IGF1: variants seen among roughly 807,000 people sequenced by gnomAD.
The protein encoded by IGF1 is insulin like growth factor 1, also known as insulin-like growth factor 1.
Under a neutral mutation model 13.8 loss-of-function variants are expected in IGF1, and 4 were observed. The ratio of observed to expected loss-of-function variants is 0.29; its 90% CI spans 0.14 to 0.66. IGF1 has a LOEUF of 0.66. Ranked by LOEUF, IGF1 falls within the 30% of genes least tolerant of loss-of-function variation. The probability of loss-of-function intolerance (pLI) is 0.78; values close to 1 mark genes in which losing one functional copy is unlikely to be tolerated. For missense variants in IGF1, 124 were observed against 188.5 expected (o/e 0.66, Z 2.00); for synonymous variants, 76 against 72.6 (o/e 1.05, Z -0.23).
At chr12:102,459,396 G>A (rs745967607) in intron 2 of IGF1, among the ~76,000 whole-genome samples, 8 of 152,128 alleles carry the variant, frequency 5.3e-5, no homozygotes, top group Non-Finnish European at 8.8e-5. Flanking sequence ...CTTGCACATA[G>A]CACGATCATG....
chr12:102,452,993 T>C (rs776466166), intron 2 of IGF1, among the ~76,000 whole-genome samples: 13 of 152,150 alleles, frequency 8.5e-5, no homozygotes, highest in Non-Finnish European at 1.6e-4. Context: ...TTAATTAAAT[T>C]GGGTGTTTTT....
At chr12:102,416,859 CAG>C (rs1466323699) in intron 3 of IGF1, among the ~76,000 whole-genome samples, 2 of 152,140 alleles carry the variant, frequency 1.3e-5, no homozygotes, top group Admixed American at 6.5e-5. Context: ...TATTTGGAGA[CAG>C]AGTCTTTACA....
intron 3 of IGF1, among the ~76,000 whole-genome samples, chr12:102,405,795 C>G (rs1240571999): frequency 6.6e-6 from 1 of 152,186 alleles, no homozygotes; most frequent in Non-Finnish European, 1.5e-5. Context: ...AAATTAATCC[C>G]AAATTTCTAC....
intron 3 of IGF1, among the ~76,000 whole-genome samples, chr12:102,406,415 G>C (rs1169394433): frequency 2.0e-5 from 3 of 152,144 alleles, no homozygotes; most frequent in African/African-American, 7.2e-5. Flanking sequence ...TTTCACTTCA[G>C]CAGCTTGTCC....
chr12:102,440,951 TC>T (rs1334182432), intron 2 of IGF1, among the ~76,000 whole-genome samples: 1 of 152,230 alleles, frequency 6.6e-6, no homozygotes, highest in African/African-American at 2.4e-5. Flanking sequence ...TGGTGCTCAG[TC>T]CTTTTGAGAC....
intron 3 of IGF1, among the ~76,000 whole-genome samples, chr12:102,409,150 A>G (rs1874419426): frequency 6.6e-6 from 1 of 152,196 alleles, no homozygotes; most frequent in Admixed American, 6.5e-5. Flanking sequence ...TGGATGTAAT[A>G]ACCCTCAGTC....
At chr12:102,470,367 T>A (rs1880608537) in intron 2 of IGF1, among the ~76,000 whole-genome samples, 1 of 152,204 alleles carries the variant, frequency 6.6e-6, no homozygotes, top group South Asian at 2.1e-4. Flanking sequence ...AGGGAGATGG[T>A]CTTGAAGGGC....
chr12:102,479,534 C>T (rs899989224), intron 1 of IGF1, among the ~76,000 whole-genome samples: 11 of 152,260 alleles, frequency 7.2e-5, no homozygotes, highest in African/African-American at 2.6e-4. Context: ...AGGGACTTCA[C>T]GACACTGAAT....
intron 2 of IGF1, among the ~76,000 whole-genome samples, chr12:102,433,776 G>T (rs1010856050): frequency 3.9e-5 from 6 of 152,126 alleles, no homozygotes; most frequent in Non-Finnish European, 7.4e-5. Flanking sequence ...GAAGAAATTT[G>T]TACTTTGGAA....
intron 2 of IGF1, among the ~76,000 whole-genome samples, chr12:102,453,976 A>G (rs1173004535): frequency 6.6e-6 from 1 of 152,204 alleles, no homozygotes; most frequent in African/African-American, 2.4e-5. Context: ...AGTGTCATGC[A>G]TATAAGAGCT....
At chr12:102,407,328 C>A (rs1874264120) in intron 3 of IGF1, among the ~76,000 whole-genome samples, 1 of 152,110 alleles carries the variant, frequency 6.6e-6, no homozygotes, top group South Asian at 2.1e-4. Flanking sequence ...CACAGAGGAA[C>A]AAACTGATAG....
At chr12:102,432,954 G>A (rs1036709104) in intron 2 of IGF1, among the ~76,000 whole-genome samples, 5 of 152,100 alleles carry the variant, frequency 3.3e-5, no homozygotes, top group Non-Finnish European at 7.4e-5. Flanking sequence ...TCTTCTCTGG[G>A]GTAGGGAGAG....
chr12:102,478,344 A>T (rs1010325863), intron 1 of IGF1: 37 of 508,786 alleles, frequency 7.3e-5, no homozygotes, highest in Admixed American at 4.7e-4. Flanking sequence ...ACACTTTCTC[A>T]AAAATCATTC....
At chr12:102,433,336 A>C (rs745454680) in intron 2 of IGF1, among the ~76,000 whole-genome samples, 2 of 152,220 alleles carry the variant, frequency 1.3e-5, no homozygotes, top group African/African-American at 4.8e-5. Flanking sequence ...ACAGGTCACT[A>C]TCTCCTTATA....
At chr12:102,408,879 C>G (rs1874398196) in intron 3 of IGF1, among the ~76,000 whole-genome samples, 1 of 152,180 alleles carries the variant, frequency 6.6e-6, no homozygotes, top group Admixed American at 6.5e-5. Flanking sequence ...TTAGGCTTGC[C>G]TTGCAATCTG....
intron 2 of IGF1, among the ~76,000 whole-genome samples, chr12:102,455,518 A>G (rs1312257846): frequency 6.6e-6 from 1 of 152,248 alleles, no homozygotes; most frequent in Non-Finnish European, 1.5e-5. Flanking sequence ...ATTTTGAAAT[A>G]TCTCACAGCG....
chr12:102,403,061 A>G (rs769648423), intron 3 of IGF1, among the ~76,000 whole-genome samples: 5 of 152,126 alleles, frequency 3.3e-5, no homozygotes, highest in Non-Finnish European at 7.4e-5. Context: ...GAAATCGAAG[A>G]TTAGGAAATC....
At chr12:102,472,319 TG>T in intron 2 of IGF1, among the ~76,000 whole-genome samples, 1 of 152,264 alleles carries the variant, frequency 6.6e-6, no homozygotes, top group Admixed American at 6.5e-5. Context: ...TAGTGGAACT[TG>T]GGCTTGAAGG....
intron 2 of IGF1, among the ~76,000 whole-genome samples, chr12:102,467,945 T>C (rs568894150): frequency 6.6e-6 from 1 of 152,338 alleles, no homozygotes; most frequent in East Asian, 1.9e-4. Flanking sequence ...TGTACATGAA[T>C]GTATGGGGTA....
Sources: gnomAD v4.1 joint callset for allele counts (sites outside exome capture counted in the v4.1 genomes callset) on GRCh38, gnomAD v4.1.1 for gene constraint, MANE v1.5 for transcripts, NCBI Gene and HGNC (gene_info 2026-07-23, HGNC 2026-07-21) for gene names.